CPSF4: variants seen among roughly 807,000 people sequenced by gnomAD.
CPSF4 encodes the protein cleavage and polyadenylation specific factor 4, also known as cleavage and polyadenylation specificity factor subunit 4.
A neutral mutation model predicts 37.7 loss-of-function variants in CPSF4; 11 were observed. That is an observed-to-expected ratio of 0.29 (90% CI 0.18 to 0.48). CPSF4 has a LOEUF of 0.48. Ranked by LOEUF, CPSF4 falls within the 20% of genes least tolerant of loss-of-function variation. The pLI, the probability that CPSF4 is intolerant of heterozygous loss-of-function variation, is 0.99. For synonymous variants in CPSF4, 132 were observed against 135.9 expected, an observed-to-expected ratio of 0.97 and a Z score of 0.20; for missense variants, 144 against 359.5, an observed-to-expected ratio of 0.40 and a Z score of 4.85.
In CPSF4 at chr7:99,449,792, G is replaced by A. The variant is rs1056552008; in HGVS notation, c.308-484G>A. 3.9e-5 allele frequency among the ~76,000 whole-genome samples: 6 copies of A among 152,224 alleles called. No homozygotes were observed. The East Asian group carries it at 7.7e-4, about 20-fold the overall frequency. On this transcript the variant is annotated intron_variant, in intron 3 of 7. Coordinates refer to ENST00000292476, the MANE Select transcript of CPSF4 (RefSeq NM_006693.4). ...ATGAGGGGATTCCTGAGCTGGAAGCGGAAGACTAAGAAGGGGCTGGTCCTG... is the reference window on the plus strand; with the variant it reads ...ATGAGGGGATTCCTGAGCTGGAAGCAGAAGACTAAGAAGGGGCTGGTCCTG...
chr7:99,445,412 CA>C lies in CPSF4; in HGVS notation c.154+587del, dbSNP rs35628302. 3.9e-3 allele frequency among the ~76,000 whole-genome samples: 547 copies of C among 141,746 alleles called. 1 individual carries two copies. Among genetic ancestry groups the C allele is most frequent in the Middle Eastern group, 3.6e-3 (1 of 278 alleles). The allele number at this position is 141,746 out of a possible 152,430, so 93.0% of individuals were successfully genotyped here. On this transcript the variant is annotated intron_variant, in intron 2 of 7. Coordinates refer to ENST00000292476, the MANE Select transcript of CPSF4 (RefSeq NM_006693.4). Reference sequence around the variant, plus strand: ...CTGGCAACAGAGCAAGACTCTATCTCAAAAAAAAAAAAAATCTTGCTTTATT... The same window carrying C: ...CTGGCAACAGAGCAAGACTCTATCTCAAAAAAAAAAAAATCTTGCTTTATT...
At chr7:99,449,486 T>G (rs569504779) in intron 3 of CPSF4, among the ~76,000 whole-genome samples, 165 of 152,348 alleles carry the variant, frequency 1.1e-3, no homozygotes, top group African/African-American at 3.8e-3. Context: ...GCTATACAAG[T>G]GGCCTGAGGG....
At position 99,454,153 on chromosome 7, in the gene CPSF4, G is replaced by A. The variant is rs956092169; in HGVS notation, c.741+17G>A. ...TGTTACAAGGTGAGTCCCTGGGCTG[G>A]GGGACAGGGTGGGGTCTTCCCTTAC... On this transcript the variant is annotated intron_variant, in intron 7 of 7. Coordinates refer to ENST00000292476, the MANE Select transcript of CPSF4 (RefSeq NM_006693.4). The A allele has an allele frequency of 1.9e-6, 3 of 1,608,368 alleles. No individual in the cohort carries two copies. The highest frequency in any genetic ancestry group is 2.6e-6 in the Non-Finnish European group (3 of 1,176,386).
intron 1 of CPSF4, among the ~76,000 whole-genome samples, chr7:99,443,925 A>T (rs1052521488): frequency 1.3e-5 from 2 of 152,088 alleles, no homozygotes; most frequent in East Asian, 1.9e-4. Context: ...TCTCAAAAAA[A>T]TAGAAAAAAA....
At chr7:99,441,899 C>T (rs1797020079) in intron 1 of CPSF4, among the ~76,000 whole-genome samples, 1 of 152,098 alleles carries the variant, frequency 6.6e-6, no homozygotes, top group Non-Finnish European at 1.5e-5. Flanking sequence ...ACCATATTGG[C>T]CAGGCTGGTC....
intron 6 of CPSF4, chr7:99,452,773 T>C (rs1322198539): frequency 3.5e-6 from 1 of 285,626 alleles, no homozygotes; most frequent in African/African-American, 2.2e-5. Flanking sequence ...CTGGGCACCG[T>C]GTCTGCTGCT....
intron 1 of CPSF4, chr7:99,443,338 C>T: frequency 2.0e-6 from 2 of 986,354 alleles, no homozygotes; most frequent in Non-Finnish European, 3.3e-6. Context: ...TCTCCTAGTA[C>T]ATCTTCATTT....
intron 7 of CPSF4, among the ~76,000 whole-genome samples, chr7:99,455,674 T>C (rs1391693411): frequency 1.3e-5 from 2 of 152,188 alleles, no homozygotes; most frequent in Non-Finnish European, 2.9e-5. Flanking sequence ...TGTTCAGTGC[T>C]TGAGGCTGCC....
chr7:99,439,058 G>T lies in CPSF4; in HGVS notation c.-25G>T. The T allele has an allele frequency of 6.3e-7, 1 of 1,595,600 alleles. No homozygotes were observed. Among genetic ancestry groups the T allele is most frequent in the Non-Finnish European group, 8.5e-7 (1 of 1,172,702 alleles). On this transcript the variant is annotated 5_prime_UTR_variant, in exon 1 of 8. Transcript: ENST00000292476. The stretch of plus-strand genomic sequence containing the variant: ...GCTGCAGGAGACCGAGGGGGAGCCG[G>T]GCCGGTGGGGCCGCCGCCGCCGCCA...
At position 99,452,509 on chromosome 7, in the gene CPSF4, A is replaced by T. The variant is rs555267072; in HGVS notation, c.570+69A>T. 51 of 1,422,582 alleles carry T rather than the reference A, an allele frequency of 3.6e-5. 1 individual carries two copies. The Middle Eastern group carries it at 7.2e-4, about 20-fold the overall frequency. The allele number at this position is 1,422,582 out of a possible 1,614,324, so 88.1% of individuals were successfully genotyped here. A position where few individuals can be genotyped will look rare whatever the true frequency, so the allele number is the denominator to read the frequency against. ...TACAGCGAGAACCTCAGTGTCCCCCAGGGGTGTGGTCTGCCTTAGACCCCG... is the reference window on the plus strand; with the variant it reads ...TACAGCGAGAACCTCAGTGTCCCCCTGGGGTGTGGTCTGCCTTAGACCCCG... On this transcript the variant is annotated intron_variant, in intron 6 of 7. Coordinates refer to ENST00000292476, the MANE Select transcript of CPSF4 (RefSeq NM_006693.4).
chr7:99,444,393 A>G (rs1797298378), intron 1 of CPSF4, among the ~76,000 whole-genome samples: 1 of 151,890 alleles, frequency 6.6e-6, no homozygotes, highest in Admixed American at 6.6e-5. Context: ...GGAGGCAGAG[A>G]TTGCAGTGAG....
Position 99,453,885 on chromosome 7 carries a change from G to T in CPSF4, c.571-81G>T. The T allele has an allele frequency of 7.2e-7, 1 of 1,381,186 alleles. No homozygotes were observed. Among genetic ancestry groups the T allele is most frequent in the Middle Eastern group, 1.8e-4 (1 of 5,444 alleles). 85.6% of individuals were successfully genotyped at this position (1,381,186 alleles called of 1,614,324 possible). The stretch of plus-strand genomic sequence containing the variant: ...TCCTGCCGTTTGCGGGACGAGTCCC[G>T]CCCTCTTTTTTCCTGTCCCCATCGG... On this transcript the variant is annotated intron_variant, in intron 6 of 7. Coordinates refer to ENST00000292476, the MANE Select transcript of CPSF4 (RefSeq NM_006693.4). This position sits in a 1 kb window ranked among gnomAD's most constrained non-coding sequence, Gnocchi z 4.7.
intron 5 of CPSF4, 53 bp from the exon 6 acceptor site, chr7:99,452,315 C>T (rs1408079915): frequency 4.1e-6 from 6 of 1,470,998 alleles, no homozygotes; most frequent in Non-Finnish European, 5.7e-6. Flanking sequence ...TCTTCTCATC[C>T]CCTGACCCCA....
chr7:99,439,229 C>G (rs779457365), intron 1 of CPSF4, 44 bp downstream of exon 1: 2 of 1,422,516 alleles, frequency 1.4e-6, no homozygotes, highest in Middle Eastern at 2.2e-4. Flanking sequence ...GACTCGAACC[C>G]GGGACCCGCT....
chr7:99,442,308 CTG>C (rs1421566197), intron 1 of CPSF4, among the ~76,000 whole-genome samples: 1 of 152,112 alleles, frequency 6.6e-6, no homozygotes, highest in Admixed American at 6.6e-5. Flanking sequence ...CACACTCCGA[CTG>C]TGGGAATGAA....
At chr7:99,444,660 T>C in intron 1 of CPSF4, 129 bp from the exon 2 acceptor site, 1 of 825,522 alleles carries the variant, frequency 1.2e-6, no homozygotes, top group Non-Finnish European at 1.9e-6. Context: ...AAATTTTTGC[T>C]ACTTTATTTC....
chr7:99,447,982 C>T, intron 2 of CPSF4, 139 bp from the exon 3 acceptor site: 1 of 727,258 alleles, frequency 1.4e-6, no homozygotes, highest in Admixed American at 2.4e-5. Flanking sequence ...GTGAGGGGGA[C>T]CTCTGCCCCT....
Position 99,441,389 on chromosome 7 carries a change from C to T in CPSF4, c.103+2204C>T, listed in dbSNP as rs1283156505. On this transcript the variant is annotated intron_variant, in intron 1 of 7. Coordinates refer to ENST00000292476, the MANE Select transcript of CPSF4 (RefSeq NM_006693.4). The stretch of plus-strand genomic sequence containing the variant: ...GGTACAGTGGCGAGGGGCCCACATA[C>T]CTGTTCCTGAGGCCCGGGACACACC... 5 of 456,254 alleles carry T rather than the reference C, an allele frequency of 1.1e-5. No homozygotes were observed. In the East Asian group the frequency reaches 3.5e-4, roughly 32 times the overall value. 28.3% of individuals were successfully genotyped at this position (456,254 alleles called of 1,614,324 possible).
At chr7:99,441,240 T>G (rs1796952935) in intron 1 of CPSF4, 2 of 360,966 alleles carry the variant, frequency 5.5e-6, no homozygotes, top group Non-Finnish European at 5.5e-6. Flanking sequence ...CATAAGCCAC[T>G]GTGCCCAGCC....
Sources: allele counts gnomAD v4.1 joint callset (sites outside exome capture counted in the v4.1 genomes callset), GRCh38; gene constraint gnomAD v4.1.1; non-coding constraint Gnocchi (gnomAD v3.1); transcripts MANE v1.5; gene names NCBI Gene and HGNC (gene_info 2026-07-23, HGNC 2026-07-21).